ZDHHC3: variants seen among roughly 807,000 people sequenced by gnomAD.
The protein encoded by ZDHHC3 is palmitoyltransferase ZDHHC3.
ZDHHC3 carries 9 observed loss-of-function variants against 30.6 expected under a neutral mutation model. The observed-to-expected ratio is 0.29, with a 90% CI of 0.18 to 0.51. The LOEUF (loss-of-function observed/expected upper bound fraction) is 0.51, where lower values mean the gene tolerates loss of function less well. ZDHHC3 is among the 20% of genes least tolerant of loss of function. ZDHHC3 has a pLI of 0.97. For synonymous variants in ZDHHC3, 136 were observed against 140.2 expected (o/e 0.97, Z 0.21); for missense variants, 246 against 384.2 (o/e 0.64, Z 3.01).
Position 44,926,493 on chromosome 3 carries a change from G to T in ZDHHC3, c.*196C>A, listed in dbSNP as rs940274172. 1 of 1,279,906 alleles carries T rather than the reference G, an allele frequency of 7.8e-7. No individual in the cohort carries two copies. Among genetic ancestry groups the T allele is most frequent in the South Asian group, 3.0e-5 (1 of 33,708 alleles). 79.3% of individuals were successfully genotyped at this position (1,279,906 alleles called of 1,614,324 possible). A position where few individuals can be genotyped will look rare whatever the true frequency, so the allele number is the denominator to read the frequency against. On this transcript the variant is annotated 3_prime_UTR_variant, in exon 7 of 7. Transcript: ENST00000424952. ...GCAGCTTCGGTCACCAAAAGAAATC[G>T]AAAGGATGGTTTTTAAAAAATAAAA...
At chr3:44,969,019 A>G (rs937538723) in intron 1 of ZDHHC3, among the ~76,000 whole-genome samples, 11 of 152,226 alleles carry the variant, frequency 7.2e-5, no homozygotes, top group Non-Finnish European at 1.5e-4. Flanking sequence ...ATCTCCCTGC[A>G]TTAACTTCTC....
Position 44,920,801 on chromosome 3 carries a change from G to A in ZDHHC3, c.*5888C>T. The A allele has an allele frequency of 1.0e-6, 1 of 985,406 alleles. No individual in the cohort carries two copies. Among genetic ancestry groups the A allele is most frequent in the Non-Finnish European group, 1.2e-6 (1 of 829,932 alleles). 61.0% of individuals were successfully genotyped at this position (985,406 alleles called of 1,614,324 possible). A position where few individuals can be genotyped will look rare whatever the true frequency, so the allele number is the denominator to read the frequency against. On this transcript the variant is annotated 3_prime_UTR_variant, in exon 7 of 7. Coordinates refer to ENST00000424952, the MANE Select transcript of ZDHHC3 (RefSeq NM_001135179.2). ...TCAACCTCCTCACCAACCTCATAAA[G>A]TATTCCAGACAGAGCCTGGCCTGTC...
In ZDHHC3 at chr3:44,925,956, A is replaced by T; in HGVS notation, c.*733T>A. ...CTCTTGATTGTATAAGGCATTTTGA[A>T]CTGGAAAAACGTCTTTCCTACACAC... is the stretch of plus-strand genomic sequence containing the variant. On this transcript the variant is annotated 3_prime_UTR_variant, in exon 7 of 7. Coordinates refer to ENST00000424952, the MANE Select transcript of ZDHHC3 (RefSeq NM_001135179.2). 2.0e-6 allele frequency: 2 copies of T among 985,816 alleles called. No homozygotes were observed. Among genetic ancestry groups the T allele is most frequent in the Non-Finnish European group, 2.4e-6 (2 of 829,930 alleles). 61.1% of individuals were successfully genotyped at this position (985,816 alleles called of 1,614,324 possible).
intron 6 of ZDHHC3, among the ~76,000 whole-genome samples, chr3:44,928,184 T>C (rs535353173): frequency 6.6e-6 from 1 of 152,326 alleles, no homozygotes; most frequent in Non-Finnish European, 1.5e-5. Flanking sequence ...GCTACTAGTT[T>C]TACAGAAACT....
chr3:44,942,122 G>T (rs960715690), intron 3 of ZDHHC3, among the ~76,000 whole-genome samples: 11 of 152,254 alleles, frequency 7.2e-5, no homozygotes, highest in African/African-American at 2.7e-4. Context: ...AGAGACAAGG[G>T]AATGGAGACA....
intron 1 of ZDHHC3, among the ~76,000 whole-genome samples, chr3:44,970,541 A>G (rs2125934420): frequency 6.6e-6 from 1 of 152,352 alleles, no homozygotes; most frequent in African/African-American, 2.4e-5. Context: ...CTGAGATTCT[A>G]TGAGTCCTCT....
chr3:44,924,744 T>C lies in ZDHHC3; in HGVS notation c.*1945A>G, dbSNP rs1328385485. On this transcript the variant is annotated 3_prime_UTR_variant, in exon 7 of 7. Coordinates refer to ENST00000424952, the MANE Select transcript of ZDHHC3 (RefSeq NM_001135179.2). ...TAGTTATTTAATACAATAACACTTC[T>C]TTCATACACCTAACTGAGCTGTATG... The C allele has an allele frequency of 1.1e-5, 11 of 985,358 alleles. No individual in the cohort carries two copies. Among genetic ancestry groups the C allele is most frequent in the African/African-American group, 1.7e-5 (1 of 57,258 alleles). 61.0% of individuals were successfully genotyped at this position (985,358 alleles called of 1,614,324 possible).
chr3:44,937,990 C>T, intron 3 of ZDHHC3: 1 of 360,724 alleles, frequency 2.8e-6, no homozygotes, highest in Non-Finnish European at 5.5e-6. Context: ...GGAAATACCA[C>T]TTTTTTTTTT....
intron 5 of ZDHHC3, among the ~76,000 whole-genome samples, chr3:44,930,410 T>C (rs1188575020): frequency 1.3e-5 from 2 of 152,186 alleles, no homozygotes; most frequent in African/African-American, 4.8e-5. Flanking sequence ...TTGGCACTCT[T>C]CACCTAAGGA....
chr3:44,964,004 C>T (rs1008779300), intron 1 of ZDHHC3, among the ~76,000 whole-genome samples: 1 of 152,212 alleles, frequency 6.6e-6, no homozygotes, highest in Admixed American at 6.5e-5. Context: ...TTCCCTCCCC[C>T]AGCTCCCAAC....
At chr3:44,956,961 T>C (rs1704007974) in intron 2 of ZDHHC3, among the ~76,000 whole-genome samples, 1 of 152,148 alleles carries the variant, frequency 6.6e-6, no homozygotes, top group East Asian at 1.9e-4. Context: ...CCACCTACCA[T>C]GTTTTGATCA....
In ZDHHC3 at chr3:44,921,713, T is replaced by C. The variant is rs1003563183; in HGVS notation, c.*4976A>G. The C allele has an allele frequency of 2.1e-6, 2 of 963,048 alleles. No homozygotes were observed. Among genetic ancestry groups the C allele is most frequent in the Non-Finnish European group, 2.5e-6 (2 of 809,640 alleles). 59.7% of individuals were successfully genotyped at this position (963,048 alleles called of 1,614,324 possible). A position where few individuals can be genotyped will look rare whatever the true frequency, so the allele number is the denominator to read the frequency against. Reference sequence around the variant, plus strand: ...TTAGATTATCATTCCCGTTTTCAGATGAAAAAACTGAGGCTTAAAGAAGTT... The same window carrying C: ...TTAGATTATCATTCCCGTTTTCAGACGAAAAAACTGAGGCTTAAAGAAGTT... On this transcript the variant is annotated 3_prime_UTR_variant, in exon 7 of 7. Transcript: ENST00000424952.
At position 44,925,511 on chromosome 3, in the gene ZDHHC3, G is replaced by C; in HGVS notation, c.*1178C>G. ...TTCAAACAAGACTGACACAGGAAGT[G>C]CCTCTCAAATGGAAAATCTATTCTG... On this transcript the variant is annotated 3_prime_UTR_variant, in exon 7 of 7. Transcript: ENST00000424952. 1.0e-6 allele frequency: 1 copy of C among 985,470 alleles called. No individual in the cohort carries two copies. Among genetic ancestry groups the C allele is most frequent in the Non-Finnish European group, 1.2e-6 (1 of 829,934 alleles). 61.0% of individuals were successfully genotyped at this position (985,470 alleles called of 1,614,324 possible).
intron 3 of ZDHHC3, chr3:44,938,321 G>T: frequency 5.4e-6 from 1 of 184,040 alleles, no homozygotes; most frequent in Admixed American, 5.9e-5. Context: ...TGTCAACATT[G>T]CTCTACAGAT....
intron 1 of ZDHHC3, among the ~76,000 whole-genome samples, chr3:44,963,325 T>C (rs1315703328): frequency 6.6e-6 from 1 of 152,156 alleles, no homozygotes; most frequent in East Asian, 1.9e-4. Context: ...CACCAAGTCC[T>C]GACCTGAAGG....
chr3:44,940,402 C>A (rs1294014865), intron 3 of ZDHHC3, among the ~76,000 whole-genome samples: 1 of 152,108 alleles, frequency 6.6e-6, no homozygotes, highest in Non-Finnish European at 1.5e-5. Context: ...CACCTGAGGC[C>A]CTTTCTTCAT....
Position 44,917,891 on chromosome 3 carries a change from G to T in ZDHHC3, c.*8798C>A. ...AGTGTTTGCTTCTCTCCCCACAGCAGCATCTATTCATCTGTCACCTCCACA... is the reference window on the plus strand; with the variant it reads ...AGTGTTTGCTTCTCTCCCCACAGCATCATCTATTCATCTGTCACCTCCACA... On this transcript the variant is annotated 3_prime_UTR_variant, in exon 7 of 7. Transcript: ENST00000424952. 1 of 1,301,238 alleles carries T rather than the reference G, an allele frequency of 7.7e-7. No individual in the cohort carries two copies. The highest frequency in any genetic ancestry group is 1.2e-5 in the South Asian group (1 of 81,022). The allele number at this position is 1,301,238 out of a possible 1,614,324, so 80.6% of individuals were successfully genotyped here.
At chr3:44,963,192 C>T (rs1388458034) in intron 1 of ZDHHC3, among the ~76,000 whole-genome samples, 1 of 152,164 alleles carries the variant, frequency 6.6e-6, no homozygotes, top group Non-Finnish European at 1.5e-5. Context: ...AATGTTCTAT[C>T]TTCAAACAAC....
chr3:44,921,139 C>T lies in ZDHHC3; in HGVS notation c.*5550G>A, dbSNP rs1266798373. 1 of 985,282 alleles carries T rather than the reference C, an allele frequency of 1.0e-6. No individual in the cohort carries two copies. The highest frequency in any genetic ancestry group is 1.2e-6 in the Non-Finnish European group (1 of 829,944). 61.0% of individuals were successfully genotyped at this position (985,282 alleles called of 1,614,324 possible). On this transcript the variant is annotated 3_prime_UTR_variant, in exon 7 of 7. Transcript: ENST00000424952. ...GCAGGGTGTGTGATGGGCCTTTTGG[C>T]CCAGGTCAGTCTGGGTGACACATGA...
Sources: gnomAD v4.1 joint callset for allele counts (sites outside exome capture counted in the v4.1 genomes callset) on GRCh38, gnomAD v4.1.1 for gene constraint, MANE v1.5 for transcripts, NCBI Gene and HGNC (gene_info 2026-07-23, HGNC 2026-07-21) for gene names.